Variants in CLCN2 observed in about 807,000 individuals in gnomAD.
CLCN2 encodes chloride voltage-gated channel 2, also known as chloride channel protein 2.
In CLCN2, 72 loss-of-function variants were observed where a neutral mutation model predicts 108.3. The observed-to-expected ratio is 0.66, with a 90% CI of 0.55 to 0.81. CLCN2 has a LOEUF of 0.81. Ranked by LOEUF, CLCN2 falls within the 30% of genes least tolerant of loss-of-function variation. The pLI is 0.00. For missense variants in CLCN2, 1,048 were observed against 1,205.2 expected (o/e 0.87, Z 1.93); for synonymous variants, 471 against 467.1 (o/e 1.01, Z -0.11).
chr3:184,346,647 G>A lies in CLCN2; in HGVS notation c.2656C>T (p.Arg886Trp), dbSNP rs767217424. The change falls in exon 24 of 24, where the codon CGG becomes TGG. Residue 886 changes from arginine to tryptophan, a missense_variant. Arg to Trp is a moderately radical substitution (Grantham distance 101). Transcript: ENST00000265593. This position sits in a 1 kb window ranked among gnomAD's most constrained non-coding sequence, Gnocchi z 6.0. ...WGPHSRHGLP[R>W]EGSPSDSDDK... is the part of the protein sequence containing the mutation. ...TCGCTGTCGGAAGGGCTGCCCTCCC[G>A]GGGGAGGCCATGACGGGAGTGGGGC... 1.2e-5 allele frequency: 20 copies of A among 1,613,902 alleles called. No individual in the cohort carries two copies. Among genetic ancestry groups the A allele is most frequent in the South Asian group, 5.5e-5 (5 of 91,078 alleles).
At chr3:184,347,096 G>A in intron 22 of CLCN2, 75 bp from the exon 23 acceptor site, 2 of 1,285,304 alleles carry the variant, frequency 1.6e-6, no homozygotes, top group Non-Finnish European at 2.3e-6. Context: ...CAGGGGCCCA[G>A]GACAAGGTTG....
rs1711541582 is a variant in CLCN2, at chr3:184,358,190, T to C, written c.473A>G (p.Gln158Arg). The C allele has an allele frequency of 6.2e-7, 1 of 1,613,948 alleles. No individual in the cohort carries two copies. The highest frequency in any genetic ancestry group is 1.3e-5 in the African/African-American group (1 of 74,872). Residue 158 changes from glutamine (Q) to arginine (R), a missense_variant, in exon 4 of 24, where the codon CAG (glutamine) becomes CGG (arginine). By Grantham distance (43) the Gln-to-Arg change is conservative. Transcript: ENST00000265593. Reference protein sequence around the residue: ...SAGFTQILAPQAVGSGIPEMK... With the variant: ...SAGFTQILAPRAVGSGIPEMK... ...CTTCTCTTCTAACATACCGACAGCC[T>C]GAGGGGCCAGGATCTGTGTGAATCC...
Position 184,357,233 on chromosome 3 carries a change from C to T in CLCN2, c.932G>A (p.Arg311Gln), listed in dbSNP as rs1382714741. The T allele has an allele frequency of 2.4e-5, 39 of 1,613,852 alleles. No homozygotes were observed. The highest frequency in any genetic ancestry group is 3.1e-5 in the Non-Finnish European group (37 of 1,180,038). ...TITALFKTRF[R>Q]LDFPFDLQEL... ...CTGCAGGTCAAAGGGGAAGTCGAGC[C>T]GGAATCGGGTTTTGAAGAGGGCTGT... Residue 311 changes from arginine to glutamine, a missense_variant, in exon 9 of 24, where the codon CGG becomes CAG. By Grantham distance (43) the Arg-to-Gln change is conservative. Transcript: ENST00000265593.
At chr3:184,349,186 T>G (rs1170236981) in intron 22 of CLCN2, 1 of 152,200 alleles carries the variant, frequency 6.6e-6, no homozygotes, top group Non-Finnish European at 1.5e-5. Context: ...TAAACAATTT[T>G]TTTTAGTTAA....
chr3:184,360,799 C>T (rs1711967049), intron 1 of CLCN2, among the ~76,000 whole-genome samples: 1 of 152,156 alleles, frequency 6.6e-6, no homozygotes, highest in African/African-American at 2.4e-5. Flanking sequence ...CTGGATACCC[C>T]GCATCAGCAT....
rs768757422 is a variant in CLCN2, at chr3:184,354,599, G to A, written c.1456C>T (p.His486Tyr). 7.5e-6 allele frequency: 12 copies of A among 1,610,162 alleles called. No individual in the cohort carries two copies. The highest frequency in any genetic ancestry group is 1.0e-5 in the Non-Finnish European group (12 of 1,178,696). Residue 486 changes from histidine (H) to tyrosine (Y), a missense_variant, in exon 14 of 24, where the codon CAT (histidine) becomes TAT (tyrosine). By Grantham distance (83) the His-to-Tyr change is moderately conservative. Transcript: ENST00000265593. ...ATCCGGTAGGTGCTGCTGTCCGTAT[G>A]AATTCCATCTGGGAACCAGGCAGCC... The part of the protein sequence containing the change: ...SMAAWFPDGI[H>Y]TDSSTYRIVP...
Position 184,357,999 on chromosome 3 carries a change from G to T in CLCN2, c.578C>A (p.Thr193Asn), listed in dbSNP as rs781045089. ...CGGCATCCCGCTGCCTAGGGCGCAG[G>T]TCAGCCCAATGACCTTAGCTATAAA... Reference protein sequence around the residue: ...KTFIAKVIGLTCALGSGMPLG... With the variant: ...KTFIAKVIGLNCALGSGMPLG... Residue 193 changes from threonine (T) to asparagine (N), a missense_variant, in exon 5 of 24, where the codon ACC (threonine) becomes AAC (asparagine). By Grantham distance (65) the Thr-to-Asn change is moderately conservative (BLOSUM62 0). Coordinates refer to ENST00000265593, the MANE Select transcript of CLCN2 (RefSeq NM_004366.6). The T allele has an allele frequency of 6.2e-7, 1 of 1,614,082 alleles. No homozygotes were observed. The highest frequency in any genetic ancestry group is 1.1e-5 in the South Asian group (1 of 91,086).
intron 8 of CLCN2, 40 bp downstream of exon 8, chr3:184,357,322 G>A (rs1728635515): frequency 6.2e-7 from 1 of 1,613,992 alleles, no homozygotes; most frequent in Non-Finnish European, 8.5e-7. Context: ...CCCCTACCTG[G>A]CACCATCTCG....
chr3:184,347,183 A>G (rs1405395202), intron 22 of CLCN2, 162 bp from the exon 23 acceptor site: 5 of 697,912 alleles, frequency 7.2e-6, no homozygotes, highest in African/African-American at 5.3e-5. Context: ...AACAATCGTA[A>G]TAATAATGAG....
chr3:184,346,847 C>G lies in CLCN2; in HGVS notation c.2503-47G>C, dbSNP rs761740491. 1.2e-6 allele frequency: 2 copies of G among 1,612,846 alleles called. No homozygotes were observed. The highest frequency in any genetic ancestry group is 3.3e-5 in the Admixed American group (2 of 60,022). ...ATGTCTGGACCCAGATGTCAGACTCCTCCCCGCCTTCCTCCCCAGGTGAGC... is the reference window on the plus strand; with the variant it reads ...ATGTCTGGACCCAGATGTCAGACTCGTCCCCGCCTTCCTCCCCAGGTGAGC... On this transcript the variant is annotated intron_variant, in intron 23 of 23. Transcript: ENST00000265593. This position sits in a 1 kb window ranked among gnomAD's most constrained non-coding sequence, Gnocchi z 6.0.
Position 184,352,734 on chromosome 3 carries a change from C to T in CLCN2, c.2217+3G>A. Reference sequence around the variant, plus strand: ...GCTAGGAGGACAGGCTCCAGCCACTCACCTCCGAAGCAGCCTCAGGGGGTG... The same window carrying T: ...GCTAGGAGGACAGGCTCCAGCCACTTACCTCCGAAGCAGCCTCAGGGGGTG... On this transcript the variant is annotated splice_donor_region_variant and intron_variant, in intron 19 of 23. Coordinates refer to ENST00000265593, the MANE Select transcript of CLCN2 (RefSeq NM_004366.6). The T allele has an allele frequency of 1.2e-6, 2 of 1,613,032 alleles. No homozygotes were observed. Among genetic ancestry groups the T allele is most frequent in the Non-Finnish European group, 1.7e-6 (2 of 1,179,924 alleles).
chr3:184,357,850 A>C lies in CLCN2; in HGVS notation c.622T>G (p.Phe208Val), dbSNP rs1249149938. The change falls in exon 6 of 24, where the codon TTT (phenylalanine) becomes GTT (valine). Residue 208 changes from phenylalanine to valine, a missense_variant. By Grantham distance (50) the Phe-to-Val change is conservative. Transcript: ENST00000265593. ...GCACACATGCTTGCGATATGCACAAAAGGGCCCTGCGGGGTGGGGCAGGCG... is the reference window on the plus strand; with the variant it reads ...GCACACATGCTTGCGATATGCACAACAGGGCCCTGCGGGGTGGGGCAGGCG... ...SGMPLGKEGP[F>V]VHIASMCAAL... 1.2e-6 allele frequency: 2 copies of C among 1,613,882 alleles called. No homozygotes were observed. The highest frequency in any genetic ancestry group is 1.6e-4 in the Middle Eastern group (1 of 6,062).
chr3:184,355,186 C>A lies in CLCN2; in HGVS notation c.1326+188G>T. On this transcript the variant is annotated intron_variant, in intron 12 of 23. Transcript: ENST00000265593. The surrounding 1 kb of genome is among the most constrained non-coding windows in gnomAD (Gnocchi z 6.3). ...CAGATGGCTTGGGTTCAGATCATCG[C>A]TCTGCCCTCTAGCTGTGTGACTTTG... 1 of 797,234 alleles carries A rather than the reference C, an allele frequency of 1.3e-6. No homozygotes were observed. The highest frequency in any genetic ancestry group is 2.1e-6 in the Non-Finnish European group (1 of 466,700). 49.4% of individuals were successfully genotyped at this position (797,234 alleles called of 1,614,324 possible). A position where few individuals can be genotyped will look rare whatever the true frequency, so the allele number is the denominator to read the frequency against.
Position 184,353,274 on chromosome 3 carries a change from G to A in CLCN2, c.2004C>T (p.Thr668=). 6.2e-7 allele frequency: 1 copy of A among 1,614,046 alleles called. No homozygotes were observed. The highest frequency in any genetic ancestry group is 8.5e-7 in the Non-Finnish European group (1 of 1,180,018). Residue 668 remains threonine, a synonymous_variant, in exon 17 of 24, where the codon ACC becomes ACT. Transcript: ENST00000265593. ...SPLSDQEGPP[T]PEASVCFQVN... is the part of the protein sequence containing the mutation. ...CCTGGAAGCAGACAGAAGCCTCAGG[G>A]GTAGGGGGACCCTCCTGATCAGATA...
intron 22 of CLCN2, among the ~76,000 whole-genome samples, chr3:184,351,241 T>G (rs929004410): frequency 1.3e-5 from 2 of 151,988 alleles, no homozygotes; most frequent in Non-Finnish European, 2.9e-5. Flanking sequence ...CCCCCAACGC[T>G]TCAAGGCTTG....
In CLCN2 at chr3:184,358,976, G is replaced by GCGGCAT. The variant is rs775087224; in HGVS notation, c.213_218dup (p.Cys72_Arg73dup). The GCGGCAT allele has an allele frequency of 3.7e-6, 6 of 1,613,246 alleles. No individual in the cohort carries two copies. The African/African-American group carries it at 5.3e-5, about 14-fold the overall frequency. ...CCCTGCCCCCACCCCAGTTCTCACC[G>GCGGCAT]CGGCATCGGGCGCAACGGCTCCGTC... is the stretch of plus-strand genomic sequence containing the variant. On this transcript the variant is annotated inframe_insertion and splice_region_variant, in exon 2 of 24. Coordinates refer to ENST00000265593, the MANE Select transcript of CLCN2 (RefSeq NM_004366.6).
Position 184,355,513 on chromosome 3 carries a change from G to A in CLCN2, c.1187C>T (p.Thr396Met), listed in dbSNP as rs755482941. The change falls in exon 12 of 24, where the codon ACG (threonine) becomes ATG (methionine). Residue 396 changes from threonine (T) to methionine (M), a missense_variant. Physicochemically the swap from Thr to Met is moderately conservative, Grantham distance 81. Coordinates refer to ENST00000265593, the MANE Select transcript of CLCN2 (RefSeq NM_004366.6). This position sits in a 1 kb window ranked among gnomAD's most constrained non-coding sequence, Gnocchi z 6.3. ...CCGATTGTCAAACAGGGTGACCAGCGTCTCTTTCTGTGAGAGCTAGAGTGA... is the reference window on the plus strand; with the variant it reads ...CCGATTGTCAAACAGGGTGACCAGCATCTCTTTCTGTGAGAGCTAGAGTGA... ...FMAGQLSQKETLVTLFDNRTW... is the reference protein window; with the variant it reads ...FMAGQLSQKEMLVTLFDNRTW... The A allele has an allele frequency of 1.9e-5, 31 of 1,613,984 alleles. No individual in the cohort carries two copies. The South Asian group carries it at 2.1e-4, about 11-fold the overall frequency.
chr3:184,356,186 G>A, intron 10 of CLCN2: 1 of 289,724 alleles, frequency 3.5e-6, no homozygotes. Flanking sequence ...AATGTTGGGG[G>A]AAGCTGGGGT....
At position 184,347,028 on chromosome 3, in the gene CLCN2, T is replaced by C. The variant is rs1168611770; in HGVS notation, c.2416-7A>G. The C allele has an allele frequency of 6.2e-7, 1 of 1,612,270 alleles. No homozygotes were observed. Among genetic ancestry groups the C allele is most frequent in the Non-Finnish European group, 8.5e-7 (1 of 1,178,568 alleles). Reference sequence around the variant, plus strand: ...GTGAGAAGATAGTGTGAGTCTGCAGTGTGGGGAGAAAAGCGATTGGACTTG... The same window carrying C: ...GTGAGAAGATAGTGTGAGTCTGCAGCGTGGGGAGAAAAGCGATTGGACTTG... On this transcript the variant is annotated splice_polypyrimidine_tract_variant and splice_region_variant and intron_variant, in intron 22 of 23. Transcript: ENST00000265593.
Sources: allele counts gnomAD v4.1 joint callset (sites outside exome capture counted in the v4.1 genomes callset), GRCh38; gene constraint gnomAD v4.1.1; non-coding constraint Gnocchi (gnomAD v3.1); transcripts MANE v1.5; gene names NCBI Gene and HGNC (gene_info 2026-07-23, HGNC 2026-07-21).